The following ACSS3 variants were observed in gnomAD, a reference collection of about 807,000 sequenced individuals.
ACSS3 encodes the protein acyl-CoA synthetase short chain family member 3, also known as acyl-CoA synthetase short-chain family member 3, mitochondrial.
In ACSS3, 64 loss-of-function variants were observed where a neutral mutation model predicts 84.2. The ratio of observed to expected loss-of-function variants is 0.76; its 90% CI spans 0.62 to 0.94. The LOEUF (loss-of-function observed/expected upper bound fraction) is 0.94. Among genes scored for constraint, ACSS3 ranks in the 40% least tolerant of loss-of-function variants. ACSS3 has a pLI of 0.00. For synonymous variants in ACSS3, 317 were observed against 310.1 expected, an observed-to-expected ratio of 1.02 and a Z score of -0.23; for missense variants, 815 against 867.6, an observed-to-expected ratio of 0.94 and a Z score of 0.76.
chr12:81,260,126 T>G lies in ACSS3; in HGVS notation c.*5204T>G, dbSNP rs557039415. Reference sequence around the variant, plus strand: ...GTGTCAGTAGTATGGCATTGCTGATTGTTTTCAGCCATAATGTACTTAGAA... The same window carrying G: ...GTGTCAGTAGTATGGCATTGCTGATGGTTTTCAGCCATAATGTACTTAGAA... On this transcript the variant is annotated 3_prime_UTR_variant, in exon 16 of 16. Transcript: ENST00000548058. 6.6e-6 allele frequency: 1 copy of G among 152,606 alleles called. No homozygotes were observed. Among genetic ancestry groups the G allele is most frequent in the African/African-American group, 2.4e-5 (1 of 41,472 alleles). The allele number at this position is 152,606 out of a possible 1,614,324, so 9.5% of individuals were successfully genotyped here.
intron 1 of ACSS3, among the ~76,000 whole-genome samples, chr12:81,105,521 CTCCAAT>C (rs1882911762): frequency 2.0e-5 from 3 of 152,202 alleles, no homozygotes; most frequent in Admixed American, 2.0e-4. Context: ...GTATGGCTTT[CTCCAAT>C]TCCTAACCAC....
At position 81,253,290 on chromosome 12, in the gene ACSS3, G is replaced by T. The variant is rs2034208344; in HGVS notation, c.1720-17G>T. ...GTAAATAAATGTATTCTAAATGAAT[G>T]CCTTTCCTTATTACAGTCAATCCTT... On this transcript the variant is annotated splice_polypyrimidine_tract_variant and intron_variant, in intron 13 of 15. Transcript: ENST00000548058. 6.2e-7 allele frequency: 1 copy of T among 1,603,288 alleles called. No individual in the cohort carries two copies. The highest frequency in any genetic ancestry group is 1.3e-5 in the African/African-American group (1 of 74,582).
chr12:81,151,646 G>A (rs3741979), intron 5 of ACSS3, 198 bp from the exon 6 acceptor site: 42,820 of 473,818 alleles, frequency 0.09, 2,397 homozygotes, highest in Non-Finnish European at 0.12. Context: ...TGGCACTAAT[G>A]AGGACAAATT....
rs2034350772 is a variant in ACSS3, at chr12:81,257,605, T to C, written c.*2683T>C. On this transcript the variant is annotated 3_prime_UTR_variant, in exon 16 of 16. Transcript: ENST00000548058. ...TATAGTATTTTCCAATTCATTGAAT[T>C]ACTTTGCTTGTGAAAATATATTAAA... 1 of 152,148 alleles carries C rather than the reference T, an allele frequency of 6.6e-6. No homozygotes were observed. Among genetic ancestry groups the C allele is most frequent in the Admixed American group, 6.6e-5 (1 of 15,262 alleles). The allele number at this position is 152,148 out of a possible 1,614,324, so 9.4% of individuals were successfully genotyped here.
intron 11 of ACSS3, 149 bp from the exon 12 acceptor site, chr12:81,230,908 G>A: frequency 3.0e-6 from 2 of 657,504 alleles, no homozygotes; most frequent in Non-Finnish European, 2.6e-6. Context: ...ACCTCTGTTA[G>A]ACATGATCTG....
rs2031997680 is a variant in ACSS3, at chr12:81,199,429, C to T, written c.1339C>T (p.His447Tyr). ...TGTCTTCAGAGTACCTGTCTTAGAC[C>T]ATTGGTGGCAAACTGGTAAGCATTT... ...KNVFRVPVLD[H>Y]WWQTETGSPI... Residue 447 changes from histidine (H) to tyrosine (Y), a missense_variant, in exon 9 of 16, where the codon CAT (histidine) becomes TAT (tyrosine). His to Tyr is a moderately conservative substitution (Grantham distance 83, BLOSUM62 2). Coordinates refer to ENST00000548058, the MANE Select transcript of ACSS3 (RefSeq NM_024560.4). 6.2e-7 allele frequency: 1 copy of T among 1,612,508 alleles called. No homozygotes were observed. Among genetic ancestry groups the T allele is most frequent in the African/African-American group, 1.3e-5 (1 of 74,840 alleles).
chr12:81,253,170 G>C, intron 13 of ACSS3, 137 bp from the exon 14 acceptor site: 2 of 843,858 alleles, frequency 2.4e-6, no homozygotes, highest in Non-Finnish European at 3.7e-6. Context: ...TGGATTTTTG[G>C]CTTGTCTTAC....
chr12:81,248,174 T>A (rs907881325), intron 13 of ACSS3, among the ~76,000 whole-genome samples: 1 of 152,034 alleles, frequency 6.6e-6, no homozygotes, highest in Non-Finnish European at 1.5e-5. Context: ...AAAGTAGAAC[T>A]ACCATAAGGT....
rs1555181707 is a variant in ACSS3 at position 81,213,957 on chromosome 12, C to CTCTCTCTT, written c.1355-2941_1355-2940insCTCTTTCT. Among the ~76,000 whole-genome samples the CTCTCTCTT allele has an allele frequency of 1.4e-4, 7 of 49,146 alleles. 1 individual carries two copies. The highest frequency in any genetic ancestry group is 1.3e-3 in the East Asian group (3 of 2,270). The allele number at this position is 49,146 out of a possible 152,430, so 32.2% of individuals were successfully genotyped here. ...CCTTTCTCTCTCTCTCTCCCTCTCT[C>CTCTCTCTT]TCTTTCTTTCTTTCTTTCTTTCTTT... On this transcript the variant is annotated intron_variant, in intron 9 of 15. Coordinates refer to ENST00000548058, the MANE Select transcript of ACSS3 (RefSeq NM_024560.4).
chr12:81,258,984 C>T lies in ACSS3; in HGVS notation c.*4062C>T, dbSNP rs879148577. ...CTTTGTTTTGTATTGAAAAGGAGATCAAGCCATCACAGTGCTATTTCTAAA... is the reference window on the plus strand; with the variant it reads ...CTTTGTTTTGTATTGAAAAGGAGATTAAGCCATCACAGTGCTATTTCTAAA... On this transcript the variant is annotated 3_prime_UTR_variant, in exon 16 of 16. Coordinates refer to ENST00000548058, the MANE Select transcript of ACSS3 (RefSeq NM_024560.4). The T allele has an allele frequency of 6.6e-6, 1 of 152,114 alleles. No homozygotes were observed. The highest frequency in any genetic ancestry group is 1.9e-4 in the East Asian group (1 of 5,184). 9.4% of individuals were successfully genotyped at this position (152,114 alleles called of 1,614,324 possible). A position where few individuals can be genotyped will look rare whatever the true frequency, so the allele number is the denominator to read the frequency against.
intron 9 of ACSS3, among the ~76,000 whole-genome samples, chr12:81,200,815 A>C (rs1388001936): frequency 6.7e-6 from 1 of 149,756 alleles, no homozygotes; most frequent in East Asian, 2.0e-4. Context: ...AATTGCTTGA[A>C]CCCAGGAGGA....
At chr12:81,132,403 A>G (rs2121549823) in intron 2 of ACSS3, among the ~76,000 whole-genome samples, 1 of 152,214 alleles carries the variant, frequency 6.6e-6, no homozygotes, top group South Asian at 2.1e-4. Context: ...TAGATTTTCT[A>G]GTTTATTTGC....
At chr12:81,098,194 C>T (rs1472165319) in intron 1 of ACSS3, among the ~76,000 whole-genome samples, 6 of 147,618 alleles carry the variant, frequency 4.1e-5, no homozygotes, top group East Asian at 2.0e-4. Context: ...CTGTGCCCTG[C>T]GATAGGATGG....
intron 12 of ACSS3, 129 bp from the exon 13 acceptor site, chr12:81,233,220 C>A: frequency 1.0e-6 from 1 of 984,204 alleles, no homozygotes; most frequent in Non-Finnish European, 1.5e-6. Flanking sequence ...ATTTCCTAGT[C>A]TAGTTACGAA....
intron 1 of ACSS3, among the ~76,000 whole-genome samples, chr12:81,079,045 T>C (rs1880805420): frequency 6.6e-6 from 1 of 152,126 alleles, no homozygotes; most frequent in Non-Finnish European, 1.5e-5. Flanking sequence ...AAGGGATTTA[T>C]GTACTGTGCT....
chr12:81,080,717 A>T (rs1279161297), intron 1 of ACSS3, among the ~76,000 whole-genome samples: 2 of 152,226 alleles, frequency 1.3e-5, no homozygotes, highest in Non-Finnish European at 2.9e-5. Context: ...AAAGCCAAAC[A>T]GAAGGGCAGA....
intron 15 of ACSS3, among the ~76,000 whole-genome samples, chr12:81,254,002 A>G (rs929563005): frequency 3.3e-5 from 5 of 152,070 alleles, no homozygotes; most frequent in African/African-American, 1.2e-4. Context: ...ATGGCTCACT[A>G]CAGCCACAAA....
intron 8 of ACSS3, among the ~76,000 whole-genome samples, chr12:81,176,627 T>C (rs902091778): frequency 5.9e-5 from 9 of 151,774 alleles, no homozygotes; most frequent in Admixed American, 5.9e-4. Flanking sequence ...CAGAAGAAAT[T>C]GAAACCCTTA....
rs561609875 is a variant in ACSS3, at chr12:81,183,021, G to T, written c.1250+8082G>T. The stretch of plus-strand genomic sequence containing the variant: ...CCACCAAAAATTTTAACTGGCAAAG[G>T]GTCCAGCTGCTCACTGCTTGTAGAA... On this transcript the variant is annotated intron_variant, in intron 8 of 15. Transcript: ENST00000548058. 5.1e-4 allele frequency among the ~76,000 whole-genome samples: 77 copies of T among 152,178 alleles called. 1 individual carries two copies. In the South Asian group the frequency reaches 0.015, roughly 30 times the overall value.
Sources: allele counts gnomAD v4.1 joint callset (sites outside exome capture counted in the v4.1 genomes callset), GRCh38; gene constraint gnomAD v4.1.1; transcripts MANE v1.5; gene names NCBI Gene and HGNC (gene_info 2026-07-23, HGNC 2026-07-21).